The following ELOA2 variants were observed in gnomAD, a reference collection of about 807,000 sequenced individuals.
ELOA2 encodes the protein elongin-A2.
For synonymous variants in ELOA2, 497 were observed against 398.8 expected (o/e 1.25, Z -2.94); for missense variants, 1,271 against 979.7 (o/e 1.30, Z -3.97).
Position 47,033,902 on chromosome 18 carries a change from G to A in ELOA2, c.1363C>T (p.Pro455Ser), listed in dbSNP as rs746303515. The change falls in exon 1 of 1, where the codon CCC (proline) becomes TCC (serine). Residue 455 changes from proline (P) to serine (S), a missense_variant. Pro to Ser is a moderately conservative substitution (Grantham distance 74). Coordinates refer to ENST00000332567, the MANE Select transcript of ELOA2 (RefSeq NM_016427.3). Reference protein sequence around the residue: ...GADSAGPKTVPSHVFSELWDL... With the variant: ...GADSAGPKTVSSHVFSELWDL... The stretch of plus-strand genomic sequence containing the variant: ...CAGAGCTCTGAGAAGACATGGCTGG[G>A]CACCGTTTTCGGCCCGGCGGAATCA... 10 of 1,613,256 alleles carry A rather than the reference G, an allele frequency of 6.2e-6. No homozygotes were observed. Among genetic ancestry groups the A allele is most frequent in the Non-Finnish European group, 8.5e-6 (10 of 1,180,040 alleles).
Position 47,035,362 on chromosome 18 carries a change from G to A in ELOA2, c.-98C>T, listed in dbSNP as rs1344715806. Reference sequence around the variant, plus strand: ...CTGGGGTGGCCGGTCCTCGCTGCCCGGTCGCCAGGCAGCGACCTCGGGATG... The same window carrying A: ...CTGGGGTGGCCGGTCCTCGCTGCCCAGTCGCCAGGCAGCGACCTCGGGATG... On this transcript the variant is annotated 5_prime_UTR_variant, in exon 1 of 1. Transcript: ENST00000332567. 1 of 1,580,288 alleles carries A rather than the reference G, an allele frequency of 6.3e-7. No individual in the cohort carries two copies. Among genetic ancestry groups the A allele is most frequent in the East Asian group, 2.3e-5 (1 of 44,102 alleles).
In ELOA2 at chr18:47,035,320, G is replaced by C; in HGVS notation, c.-56C>G. On this transcript the variant is annotated 5_prime_UTR_variant, in exon 1 of 1. Transcript: ENST00000332567. The stretch of plus-strand genomic sequence containing the variant: ...CGGCGGTCGCAGCTCTGTCTTTGGG[G>C]CTGCGGGACAGGAAGTCTGGGGTGG... 1.2e-6 allele frequency: 2 copies of C among 1,609,396 alleles called. No homozygotes were observed. Among genetic ancestry groups the C allele is most frequent in the East Asian group, 2.2e-5 (1 of 44,830 alleles).
Position 47,033,187 on chromosome 18 carries a change from C to T in ELOA2, c.2078G>A (p.Gly693Asp). The T allele has an allele frequency of 6.2e-7, 1 of 1,614,128 alleles. No individual in the cohort carries two copies. The highest frequency in any genetic ancestry group is 8.5e-7 in the Non-Finnish European group (1 of 1,180,030). The change falls in exon 1 of 1, where the codon GGT becomes GAT. Residue 693 changes from glycine (G) to aspartate (D), a missense_variant. Coordinates refer to ENST00000332567, the MANE Select transcript of ELOA2 (RefSeq NM_016427.3). ...HTPSSQSSSG[G>D]GRDSSSSILR... is the part of the protein sequence containing the mutation. The stretch of plus-strand genomic sequence containing the variant: ...GATGCTGCTGCTGCTGTCTCTGCCA[C>T]CGCCGCTGCTGCTCTGGCTGGAGGG...
Position 47,033,197 on chromosome 18 carries a change from T to A in ELOA2, c.2068A>T (p.Ser690Cys), listed in dbSNP as rs2060567928. The A allele has an allele frequency of 6.8e-6, 11 of 1,614,110 alleles. No homozygotes were observed. The highest frequency in any genetic ancestry group is 9.3e-6 in the Non-Finnish European group (11 of 1,180,024). Reference sequence around the variant, plus strand: ...CTGCTGTCTCTGCCACCGCCGCTGCTGCTCTGGCTGGAGGGAGTGTGGCTG... The same window carrying A: ...CTGCTGTCTCTGCCACCGCCGCTGCAGCTCTGGCTGGAGGGAGTGTGGCTG... ...GSSHTPSSQS[S>C]SGGGRDSSSS... The change falls in exon 1 of 1, where the codon AGC becomes TGC. Residue 690 changes from serine to cysteine, a missense_variant. By Grantham distance (112) the Ser-to-Cys change is moderately radical (BLOSUM62 -1). Transcript: ENST00000332567.
chr18:47,033,638 C>G lies in ELOA2; in HGVS notation c.1627G>C (p.Ala543Pro), dbSNP rs746916831. The G allele has an allele frequency of 1.2e-6, 2 of 1,614,202 alleles. No individual in the cohort carries two copies. The highest frequency in any genetic ancestry group is 1.1e-5 in the South Asian group (1 of 91,080). ...GGGACCTCTCCCACGTCGCTGAGGG[C>G]GTCCGGATTGTTTCTAAGCACCTGG... is the stretch of plus-strand genomic sequence containing the variant. ...CAQVLRNNPD[A>P]LSDVGEVPYW... Residue 543 changes from alanine to proline, a missense_variant, in exon 1 of 1, where the codon GCC becomes CCC. By Grantham distance (27) the Ala-to-Pro change is conservative (BLOSUM62 -1). Coordinates refer to ENST00000332567, the MANE Select transcript of ELOA2 (RefSeq NM_016427.3).
chr18:47,033,818 T>C lies in ELOA2; in HGVS notation c.1447A>G (p.Met483Val). ...GCTTCTGGCTTTGCCTGGGAGGTCA[T>C]GGAGTCAGAATCCGAAAGCGGATCG... ...NYDPLSDSDS[M>V]TSQAKPEALS... is the part of the protein sequence containing the mutation. Residue 483 changes from methionine (M) to valine (V), a missense_variant, in exon 1 of 1, where the codon ATG becomes GTG. Met to Val is a conservative substitution (Grantham distance 21). Coordinates refer to ENST00000332567, the MANE Select transcript of ELOA2 (RefSeq NM_016427.3). 1.2e-6 allele frequency: 2 copies of C among 1,614,186 alleles called. No homozygotes were observed. The highest frequency in any genetic ancestry group is 2.2e-5 in the South Asian group (2 of 91,086).
chr18:47,033,795 T>C lies in ELOA2; in HGVS notation c.1470A>G (p.Glu490=). Residue 490 remains glutamate (E), a synonymous_variant, in exon 1 of 1, where the codon GAA becomes GAG. Transcript: ENST00000332567. ...SDSMTSQAKP[E]ALSSPKFREE... ...CCCGGAACTTTGGTGAAGAGAGTGC[T>C]TCTGGCTTTGCCTGGGAGGTCATGG... The C allele has an allele frequency of 1.9e-6, 3 of 1,614,204 alleles. No homozygotes were observed. Among genetic ancestry groups the C allele is most frequent in the East Asian group, 2.2e-5 (1 of 44,880 alleles).
chr18:47,032,698 C>T lies in ELOA2; in HGVS notation c.*305G>A. On this transcript the variant is annotated 3_prime_UTR_variant, in exon 1 of 1. Transcript: ENST00000332567. ...AGAAAGGAAAAAGGAAATCTCACATCTTTTTCCTTATTTATGATTACAACT... is the reference window on the plus strand; with the variant it reads ...AGAAAGGAAAAAGGAAATCTCACATTTTTTTCCTTATTTATGATTACAACT... The T allele has an allele frequency of 4.5e-6, 2 of 445,514 alleles. No individual in the cohort carries two copies. The highest frequency in any genetic ancestry group is 4.2e-5 in the East Asian group (1 of 23,970). 27.6% of individuals were successfully genotyped at this position (445,514 alleles called of 1,614,324 possible). A position where few individuals can be genotyped will look rare whatever the true frequency, so the allele number is the denominator to read the frequency against.
chr18:47,033,986 C>T lies in ELOA2; in HGVS notation c.1279G>A (p.Ala427Thr). The change falls in exon 1 of 1, where the codon GCT becomes ACT. Residue 427 changes from alanine (A) to threonine (T), a missense_variant. Coordinates refer to ENST00000332567, the MANE Select transcript of ELOA2 (RefSeq NM_016427.3). ...SKGTRESWDS[A>T]KKLPPVQESQ... is the part of the protein sequence containing the mutation. ...TCCTGGACAGGAGGCAATTTCTTAG[C>T]CGAATCCCAGGACTCACGAGTGCCC... 2 of 1,613,612 alleles carry T rather than the reference C, an allele frequency of 1.2e-6. No individual in the cohort carries two copies. The highest frequency in any genetic ancestry group is 1.7e-6 in the Non-Finnish European group (2 of 1,180,038).
At position 47,032,946 on chromosome 18, in the gene ELOA2, T is replaced by C. The variant is rs1599564891; in HGVS notation, c.*57A>G. ...TGGAAGTTTCGTTCCCCAACCCGCA[T>C]TGACTTTGCCAATGCAAAAATCCCC... On this transcript the variant is annotated 3_prime_UTR_variant, in exon 1 of 1. Coordinates refer to ENST00000332567, the MANE Select transcript of ELOA2 (RefSeq NM_016427.3). The C allele has an allele frequency of 6.2e-7, 1 of 1,612,562 alleles. No homozygotes were observed. The highest frequency in any genetic ancestry group is 1.1e-5 in the South Asian group (1 of 91,030).
At chr18:47,033,546 GTCTT>G in the ELOA2 span, 828 of 1,614,170 alleles carry the variant, frequency 5.1e-4, 11 homozygotes, top group East Asian at 0.016. Flanking sequence ...GTGCGTGATT[GTCTT>G]TCTTTCTGCG....
Position 47,033,829 on chromosome 18 carries a change from T to G in ELOA2, c.1436A>C (p.Asp479Ala), listed in dbSNP as rs770483622. The G allele has an allele frequency of 2.5e-6, 4 of 1,613,972 alleles. No individual in the cohort carries two copies. In the African/African-American group the frequency reaches 4.0e-5, roughly 16 times the overall value. Residue 479 changes from aspartate to alanine, a missense_variant, in exon 1 of 1, where the codon GAT (aspartate) becomes GCT (alanine). By Grantham distance (126) the Asp-to-Ala change is moderately radical. Coordinates refer to ENST00000332567, the MANE Select transcript of ELOA2 (RefSeq NM_016427.3). ...TGCCTGGGAGGTCATGGAGTCAGAA[T>G]CCGAAAGCGGATCGTAGTTGGCCTG... is the stretch of plus-strand genomic sequence containing the variant. The part of the protein sequence containing the change: ...WMQANYDPLS[D>A]SDSMTSQAKP...
chr18:47,035,386 T>A lies in ELOA2; in HGVS notation c.-122A>T. 5 of 1,536,720 alleles carry A rather than the reference T, an allele frequency of 3.3e-6. No individual in the cohort carries two copies. Among genetic ancestry groups the A allele is most frequent in the Non-Finnish European group, 2.6e-6 (3 of 1,142,078 alleles). Reference sequence around the variant, plus strand: ...CGGTCGCCAGGCAGCGACCTCGGGATGTGGAGTCACAGCCTGGAGCGAGCT... The same window carrying A: ...CGGTCGCCAGGCAGCGACCTCGGGAAGTGGAGTCACAGCCTGGAGCGAGCT... On this transcript the variant is annotated 5_prime_UTR_variant, in exon 1 of 1. Transcript: ENST00000332567.
chr18:47,034,160 C>A, the ELOA2 span: 1 of 1,614,234 alleles, frequency 6.2e-7, no homozygotes, highest in Non-Finnish European at 8.5e-7. Context: ...ATATCTACCT[C>A]CTCCACCTCA....
Position 47,034,781 on chromosome 18 carries a change from G to T in ELOA2, c.484C>A (p.Pro162Thr). Reference protein sequence around the residue: ...RAERKCPRIAPADSGRYRASP... With the variant: ...RAERKCPRIATADSGRYRASP... ...GCCCGATAGCGGCCGGAATCAGCTG[G>T]GGCTATTCTGGGGCACTTTCTCTCA... Residue 162 changes from proline to threonine, a missense_variant, in exon 1 of 1, where the codon CCA (proline) becomes ACA (threonine). By Grantham distance (38) the Pro-to-Thr change is conservative. Coordinates refer to ENST00000332567, the MANE Select transcript of ELOA2 (RefSeq NM_016427.3). The T allele has an allele frequency of 6.2e-7, 1 of 1,612,538 alleles. No homozygotes were observed. Among genetic ancestry groups the T allele is most frequent in the South Asian group, 1.1e-5 (1 of 91,012 alleles).
Position 47,034,369 on chromosome 18 carries a change from T to A in ELOA2, c.896A>T (p.Glu299Val). The change falls in exon 1 of 1, where the codon GAG (glutamate) becomes GTG (valine). Residue 299 changes from glutamate to valine, a missense_variant. Transcript: ENST00000332567. Reference sequence around the variant, plus strand: ...CCTCTTCTGGTGACTGTCTGGAGCCTCCTCCAAGGCAGGGACACGCTGGCC... The same window carrying A: ...CCTCTTCTGGTGACTGTCTGGAGCCACCTCCAAGGCAGGGACACGCTGGCC... ...GSGQRVPALEEAPDSHQKRPQ... is the reference protein window; with the variant it reads ...GSGQRVPALEVAPDSHQKRPQ... The A allele has an allele frequency of 6.2e-7, 1 of 1,614,014 alleles. No homozygotes were observed. Among genetic ancestry groups the A allele is most frequent in the Non-Finnish European group, 8.5e-7 (1 of 1,179,994 alleles).
rs970547642 is a variant in ELOA2 at position 47,035,345 on chromosome 18, G to T, written c.-81C>A. ...GCTGCGGGACAGGAAGTCTGGGGTGGCCGGTCCTCGCTGCCCGGTCGCCAG... is the reference window on the plus strand; with the variant it reads ...GCTGCGGGACAGGAAGTCTGGGGTGTCCGGTCCTCGCTGCCCGGTCGCCAG... On this transcript the variant is annotated 5_prime_UTR_variant, in exon 1 of 1. Coordinates refer to ENST00000332567, the MANE Select transcript of ELOA2 (RefSeq NM_016427.3). 28 of 1,600,056 alleles carry T rather than the reference G, an allele frequency of 1.7e-5. No individual in the cohort carries two copies. Among genetic ancestry groups the T allele is most frequent in the Middle Eastern group, 2.3e-4 (1 of 4,426 alleles).
rs376519080 is a variant in ELOA2 at position 47,033,382 on chromosome 18, G to C, written c.1883C>G (p.Ser628Cys). ...GCCGTTGGGGTTGTTTCCACGTGCA[G>C]ATCGGATATTCGTTGTCATTACTCT... ...RLRVMTTNIR[S>C]ARGNNPNGRE... Residue 628 changes from serine to cysteine, a missense_variant, in exon 1 of 1, where the codon TCT becomes TGT. Ser to Cys is a moderately radical substitution (Grantham distance 112). Coordinates refer to ENST00000332567, the MANE Select transcript of ELOA2 (RefSeq NM_016427.3). 4.3e-6 allele frequency: 7 copies of C among 1,614,088 alleles called. No individual in the cohort carries two copies. The African/African-American group carries it at 9.3e-5, about 22-fold the overall frequency.
Position 47,035,610 on chromosome 18 carries a change from C to G in ELOA2, c.-346G>C. On this transcript the variant is annotated 5_prime_UTR_variant, in exon 1 of 1. Coordinates refer to ENST00000332567, the MANE Select transcript of ELOA2 (RefSeq NM_016427.3). ...CCAGGCTGACACTCACGGCTCTAGC[C>G]CTGACCCTCTTAGCTCTTGGGCTGC... 1 of 499,334 alleles carries G rather than the reference C, an allele frequency of 2.0e-6. No individual in the cohort carries two copies. Among genetic ancestry groups the G allele is most frequent in the Non-Finnish European group, 3.7e-6 (1 of 267,544 alleles). 30.9% of individuals were successfully genotyped at this position (499,334 alleles called of 1,614,324 possible).
Sources: allele counts gnomAD v4.1 joint callset, GRCh38; gene constraint gnomAD v4.1.1; transcripts MANE v1.5; gene names NCBI Gene and HGNC (gene_info 2026-07-23, HGNC 2026-07-21).